Variants in GRHL1 observed in about 807,000 individuals in gnomAD.
GRHL1 encodes grainyhead-like protein 1 homolog.
A neutral mutation model predicts 75.7 loss-of-function variants in GRHL1; 38 were observed. That is an observed-to-expected ratio of 0.50 (90% CI 0.39 to 0.66). The LOEUF is 0.66. GRHL1 is among the 30% of genes least tolerant of loss of function. The pLI is 0.00. For synonymous variants in GRHL1, 266 were observed against 279.4 expected (o/e 0.95, Z 0.48); for missense variants, 589 against 767.5 (o/e 0.77, Z 2.75).
chr2:9,990,766 G>C lies in GRHL1; in HGVS notation c.1321+19G>C. 6.2e-7 allele frequency: 1 copy of C among 1,600,266 alleles called. No individual in the cohort carries two copies. Among genetic ancestry groups the C allele is most frequent in the East Asian group, 2.2e-5 (1 of 44,702 alleles). ...AGAAAAGGCAAGTGTCCTGACCCCA[G>C]CTCCCAGGTGAATGCCTGTAAGTAG... is the stretch of plus-strand genomic sequence containing the variant. On this transcript the variant is annotated intron_variant, in intron 10 of 15. Coordinates refer to ENST00000324907, the MANE Select transcript of GRHL1 (RefSeq NM_198182.3). This position sits in a 1 kb window ranked among gnomAD's most constrained non-coding sequence, Gnocchi z 4.2.
At chr2:9,967,869 T>C (rs1284279832) in intron 8 of GRHL1, among the ~76,000 whole-genome samples, 1 of 152,170 alleles carries the variant, frequency 6.6e-6, no homozygotes, top group Non-Finnish European at 1.5e-5. Flanking sequence ...GATGCATTTG[T>C]TGATTTCTTT....
intron 8 of GRHL1, among the ~76,000 whole-genome samples, chr2:9,979,169 G>GAAAAAAAAAAAAAAAAA (rs1313941842): frequency 1.1e-3 from 82 of 74,784 alleles, no homozygotes; most frequent in Middle Eastern, 7.9e-3. Context: ...AAAAAAAAAG[G>GAAAAAAAAAAAAAAAAA]AAACCTTATC....
chr2:9,964,409 A>C, intron 7 of GRHL1, 63 bp downstream of exon 7: 1 of 902,142 alleles, frequency 1.1e-6, no homozygotes, highest in Non-Finnish European at 1.8e-6. Flanking sequence ...TCTAAATCCA[A>C]TTATTTTTGG....
intron 14 of GRHL1, among the ~76,000 whole-genome samples, chr2:9,998,179 A>T (rs1668956572): frequency 6.6e-6 from 1 of 152,100 alleles, no homozygotes; most frequent in Non-Finnish European, 1.5e-5. Context: ...GGTCTGGATG[A>T]CAAGTGTAAC....
chr2:9,979,151 C>A lies in GRHL1; in HGVS notation c.1111-6973C>A, dbSNP rs1281668322. ...TTCCAGCCTGGGCAAGACTCTCTCT[C>A]AAAAAAAAAAAAAAAAGGAAACCTT... On this transcript the variant is annotated intron_variant, in intron 8 of 15. Transcript: ENST00000324907. Among the ~76,000 whole-genome samples, 329 of 60,284 alleles carry A rather than the reference C, an allele frequency of 5.5e-3. 2 individuals are homozygous for A. The highest frequency in any genetic ancestry group is 7.4e-3 in the Non-Finnish European group (251 of 34,132). The allele number at this position is 60,284 out of a possible 152,430, so 39.5% of individuals were successfully genotyped here. A position where few individuals can be genotyped will look rare whatever the true frequency, so the allele number is the denominator to read the frequency against.
In GRHL1 at chr2:10,000,977, C is replaced by A; in HGVS notation, c.*270C>A. ...CAGGATTTAAAGTGAAAACTTTATT[C>A]CAAGAGTTAACAGAGTCTCTGGGAA... On this transcript the variant is annotated 3_prime_UTR_variant, in exon 16 of 16. Transcript: ENST00000324907. 3.9e-6 allele frequency: 1 copy of A among 258,744 alleles called. No homozygotes were observed. Among genetic ancestry groups the A allele is most frequent in the South Asian group, 1.4e-4 (1 of 7,378 alleles). The allele number at this position is 258,744 out of a possible 1,614,324, so 16.0% of individuals were successfully genotyped here. A position where few individuals can be genotyped will look rare whatever the true frequency, so the allele number is the denominator to read the frequency against.
chr2:9,970,624 G>A (rs906359515), intron 8 of GRHL1, among the ~76,000 whole-genome samples: 11 of 152,152 alleles, frequency 7.2e-5, no homozygotes, highest in African/African-American at 1.7e-4. Flanking sequence ...TTCAGTCCCC[G>A]TCCATTTTTT....
rs1668679628 is a variant in GRHL1, at chr2:9,992,324, T to A, written c.1461+178T>A. 6.6e-6 allele frequency among the ~76,000 whole-genome samples: 1 copy of A among 152,226 alleles called. No individual in the cohort carries two copies. The highest frequency in any genetic ancestry group is 1.5e-5 in the Non-Finnish European group (1 of 68,042). On this transcript the variant is annotated intron_variant, in intron 11 of 15. Coordinates refer to ENST00000324907, the MANE Select transcript of GRHL1 (RefSeq NM_198182.3). This position sits in a 1 kb window ranked among gnomAD's most constrained non-coding sequence, Gnocchi z 4.6. ...GCCCGTGCAATAAAAATGGTAAGCA[T>A]CGCTGATTTCAAGGTGCAGTGCAGC...
At chr2:9,964,706 C>G in intron 7 of GRHL1, 1 of 188,240 alleles carries the variant, frequency 5.3e-6, no homozygotes, top group Non-Finnish European at 1.1e-5. Context: ...GAGAAAAAAA[C>G]AAGTAAAAGA....
Position 9,996,323 on chromosome 2 carries a change from C to T in GRHL1, c.1599C>T (p.Leu533=). 5 of 1,609,580 alleles carry T rather than the reference C, an allele frequency of 3.1e-6. No individual in the cohort carries two copies. The highest frequency in any genetic ancestry group is 2.6e-6 in the Non-Finnish European group (3 of 1,175,980). Residue 533 remains leucine, a synonymous_variant, in exon 14 of 16, where the codon CTC becomes CTT. Transcript: ENST00000324907. ...ARIEEPKRVL[L]YVRKESEEVF... ...TGGTTGGGGATTGATTAGTGCTGCTCTACGTTCGAAAGGAGTCAGAAGAAG... is the reference window on the plus strand; with the variant it reads ...TGGTTGGGGATTGATTAGTGCTGCTTTACGTTCGAAAGGAGTCAGAAGAAG...
At chr2:9,956,381 G>T (rs932966043) in intron 2 of GRHL1, among the ~76,000 whole-genome samples, 1 of 152,054 alleles carries the variant, frequency 6.6e-6, no homozygotes, top group Non-Finnish European at 1.5e-5. Flanking sequence ...GAAATTAGCC[G>T]GTTAGTACAC....
intron 1 of GRHL1, among the ~76,000 whole-genome samples, chr2:9,954,079 C>G (rs978711027): frequency 6.6e-6 from 1 of 152,072 alleles, no homozygotes; most frequent in African/African-American, 2.4e-5. Context: ...TCACTAAGAT[C>G]GCCATTGATT....
chr2:9,960,695 A>T (rs920604108), intron 3 of GRHL1: 1 of 189,762 alleles, frequency 5.3e-6, no homozygotes, highest in South Asian at 1.4e-4. Context: ...AACCCAGGCA[A>T]TTTGACCCTG....
rs776570145 is a variant in GRHL1 at position 9,998,989 on chromosome 2, C to G, written c.1702C>G (p.His568Asp). 3 of 1,577,808 alleles carry G rather than the reference C, an allele frequency of 1.9e-6. No homozygotes were observed. Among genetic ancestry groups the G allele is most frequent in the African/African-American group, 2.7e-5 (2 of 72,936 alleles). The change falls in exon 15 of 16, where the codon CAT (histidine) becomes GAT (aspartate). Residue 568 changes from histidine to aspartate, a missense_variant. This residue lies in a region of GRHL1 where 192 missense variants were observed against 226.6 expected (regional missense o/e 0.85). Transcript: ENST00000324907. ...GATCTCAGACAAATACGATGTTCCCCATGACAAGATTGGGAAAATATTCAA... is the reference window on the plus strand; with the variant it reads ...GATCTCAGACAAATACGATGTTCCCGATGACAAGATTGGGAAAATATTCAA... ...EAISDKYDVPHDKIGKIFKKC... is the reference protein window; with the variant it reads ...EAISDKYDVPDDKIGKIFKKC...
In GRHL1 at chr2:9,995,899, C is replaced by G; in HGVS notation, c.1520C>G (p.Pro507Arg). ...TGCAGCTCTGTCTTGAAAAGGGGGC[C>G]GTACGGCACAGAAGATGACTTTGCT... ...EGEGSVLKRG[P>R]YGTEDDFAVP... Residue 507 changes from proline (P) to arginine (R), a missense_variant, in exon 13 of 16, where the codon CCG (proline) becomes CGG (arginine). Pro to Arg is a moderately radical substitution (Grantham distance 103, BLOSUM62 -2). This residue lies in a region of GRHL1 where 192 missense variants were observed against 226.6 expected (regional missense o/e 0.85). Coordinates refer to ENST00000324907, the MANE Select transcript of GRHL1 (RefSeq NM_198182.3). The G allele has an allele frequency of 6.2e-7, 1 of 1,611,362 alleles. No individual in the cohort carries two copies. Among genetic ancestry groups the G allele is most frequent in the Admixed American group, 1.7e-5 (1 of 60,020 alleles).
In GRHL1 at chr2:9,961,312, G is replaced by T; in HGVS notation, c.545G>T (p.Arg182Leu). ...PAVYHPEPTE[R>L]VVVFDRNLNT... ...GTGTATCATCCTGAGCCCACTGAGC[G>T]GGTGGTGGTTTTCGATCGGAATCTC... Residue 182 changes from arginine (R) to leucine (L), a missense_variant, in exon 4 of 16, where the codon CGG becomes CTG. Arg to Leu is a moderately radical substitution (Grantham distance 102). Around this residue, in one of 5 missense-constraint regions of GRHL1, gnomAD observed 362 missense variants for 461.8 expected, o/e 0.78. Coordinates refer to ENST00000324907, the MANE Select transcript of GRHL1 (RefSeq NM_198182.3). The T allele has an allele frequency of 6.2e-7, 1 of 1,614,182 alleles. No individual in the cohort carries two copies. The highest frequency in any genetic ancestry group is 8.5e-7 in the Non-Finnish European group (1 of 1,180,046).
chr2:9,993,092 AG>A, intron 11 of GRHL1, 114 bp from the exon 12 acceptor site: 2 of 853,906 alleles, frequency 2.3e-6, no homozygotes, highest in Non-Finnish European at 4.0e-6. Flanking sequence ...CTAAGGCTAA[AG>A]GATTTTATAT....
intron 1 of GRHL1, among the ~76,000 whole-genome samples, chr2:9,952,323 C>T (rs1666824968): frequency 6.6e-6 from 1 of 152,212 alleles, no homozygotes; most frequent in Admixed American, 6.5e-5. Context: ...GCTCGTCACT[C>T]GGCGACCTGC....
intron 5 of GRHL1, 121 bp from the exon 6 acceptor site, chr2:9,963,765 G>C: frequency 1.6e-6 from 1 of 644,938 alleles, no homozygotes; most frequent in Non-Finnish European, 2.6e-6. Flanking sequence ...TTTAGCTGCT[G>C]AGTACTTTTG....
Sources: allele counts gnomAD v4.1 joint callset (sites outside exome capture counted in the v4.1 genomes callset), GRCh38; gene constraint gnomAD v4.1.1; regional missense constraint gnomAD v4.1.1; non-coding constraint Gnocchi (gnomAD v3.1); transcripts MANE v1.5; gene names NCBI Gene and HGNC (gene_info 2026-07-23, HGNC 2026-07-21).